Variants in LARP1B observed in about 807,000 individuals in gnomAD.
LARP1B encodes La ribonucleoprotein 1B.
In LARP1B, 76 loss-of-function variants were observed where a neutral mutation model predicts 114.2. The observed-to-expected ratio is 0.67, with a 90% CI of 0.55 to 0.81. LARP1B has a LOEUF of 0.81. Among genes scored for constraint, LARP1B ranks in the 30% least tolerant of loss-of-function variants. The pLI is 0.00. For synonymous variants in LARP1B, 345 were observed against 348.0 expected, an observed-to-expected ratio of 0.99 and a Z score of 0.10; for missense variants, 1,014 against 1,075.8, an observed-to-expected ratio of 0.94 and a Z score of 0.80.
At chr4:128,206,120 G>A (rs1026671177) in intron 17 of LARP1B, among the ~76,000 whole-genome samples, 83 of 152,082 alleles carry the variant, frequency 5.5e-4, no homozygotes, top group African/African-American at 1.7e-3. Context: ...GTGAAACCCC[G>A]TCTCTACTAA....
intron 8 of LARP1B, among the ~76,000 whole-genome samples, chr4:128,102,339 C>T (rs1213635442): frequency 6.6e-6 from 1 of 152,132 alleles, no homozygotes; most frequent in Non-Finnish European, 1.5e-5. Flanking sequence ...CTAGGGTTGT[C>T]ATGAGGATGA....
intron 5 of LARP1B, among the ~76,000 whole-genome samples, chr4:128,089,888 A>G (rs1311569838): frequency 1.3e-5 from 2 of 151,552 alleles, no homozygotes; most frequent in African/African-American, 4.9e-5. Flanking sequence ...TTTCTGCCTC[A>G]GCCTACTGAG....
chr4:128,211,311 G>A lies in LARP1B; in HGVS notation c.*1258G>A. On this transcript the variant is annotated 3_prime_UTR_variant, in exon 20 of 20. Transcript: ENST00000326639. ...TATTTTGTTGTATTGGCAAAAGCAA[G>A]TGGTTTCCATATGCTAAATTAATTG... The A allele has an allele frequency of 1.0e-6, 1 of 970,064 alleles. No homozygotes were observed. The highest frequency in any genetic ancestry group is 1.2e-6 in the Non-Finnish European group (1 of 816,026). 60.1% of individuals were successfully genotyped at this position (970,064 alleles called of 1,614,324 possible). A position where few individuals can be genotyped will look rare whatever the true frequency, so the allele number is the denominator to read the frequency against.
intron 12 of LARP1B, among the ~76,000 whole-genome samples, chr4:128,172,068 T>C (rs1424109423): frequency 6.6e-6 from 1 of 152,146 alleles, no homozygotes; most frequent in Non-Finnish European, 1.5e-5. Context: ...TATTATTTCC[T>C]CAAAAAAAAT....
At chr4:128,064,846 T>C (rs1016916948) in intron 1 of LARP1B, among the ~76,000 whole-genome samples, 1 of 152,124 alleles carries the variant, frequency 6.6e-6, no homozygotes, top group African/African-American at 2.4e-5. Context: ...TGTAGTGTCC[T>C]GTCATAGTGC....
At chr4:128,220,914 G>A (rs572383052) in intron 7 of LARP1B, among the ~76,000 whole-genome samples, 213 of 152,318 alleles carry the variant, frequency 1.4e-3, no homozygotes, top group African/African-American at 4.9e-3. Context: ...CTGAGCTAGC[G>A]TTTGAACTCC....
In LARP1B at chr4:128,180,493, T is replaced by C. The variant is rs80354777; in HGVS notation, c.2003+981T>C. On this transcript the variant is annotated intron_variant, in intron 15 of 19. Coordinates refer to ENST00000326639, the MANE Select transcript of LARP1B (RefSeq NM_018078.4). ...TTGTTCTTACTAGCTATATTGTCTCTAAAAGATAAAAAGTGTGTATGTTCT... is the reference window on the plus strand; with the variant it reads ...TTGTTCTTACTAGCTATATTGTCTCCAAAAGATAAAAAGTGTGTATGTTCT... 5.4e-3 allele frequency among the ~76,000 whole-genome samples: 830 copies of C among 152,328 alleles called. 9 individuals carry two copies. The highest frequency in any genetic ancestry group is 0.019 in the African/African-American group (789 of 41,576).
chr4:128,076,200 G>A (rs1767794803), intron 3 of LARP1B, among the ~76,000 whole-genome samples: 1 of 151,976 alleles, frequency 6.6e-6, no homozygotes, highest in African/African-American at 2.4e-5. Context: ...TTTTAGTAGA[G>A]ACAGGGTTTC....
chr4:128,192,725 G>A (rs776523411), intron 15 of LARP1B, among the ~76,000 whole-genome samples: 1 of 151,988 alleles, frequency 6.6e-6, no homozygotes, highest in Admixed American at 6.6e-5. Context: ...ACATTTTAAC[G>A]TACCACAGTC....
At chr4:128,216,917 A>G (rs1225275130), downstream of LARP1B, among the ~76,000 whole-genome samples, 5 of 152,154 alleles carry the variant, frequency 3.3e-5, no homozygotes, top group Admixed American at 6.5e-5. Context: ...TAAAGAAAAA[A>G]AGAGAAGAAT....
At chr4:128,113,351 C>CTT (rs781192228) in intron 9 of LARP1B, among the ~76,000 whole-genome samples, 31 of 136,690 alleles carry the variant, frequency 2.3e-4, no homozygotes, top group South Asian at 4.6e-4. Context: ...TTCTTTTTTT[C>CTT]TTTTTTTTTT....
intron 10 of LARP1B, among the ~76,000 whole-genome samples, chr4:128,115,252 A>C (rs1323544616): frequency 6.6e-6 from 1 of 152,100 alleles, no homozygotes; most frequent in Non-Finnish European, 1.5e-5. Context: ...TATATTTTTT[A>C]TTTCTGAACA....
chr4:128,069,119 C>G (rs1312898829), intron 1 of LARP1B: 3 of 1,092,928 alleles, frequency 2.7e-6, no homozygotes, highest in African/African-American at 3.1e-5. Context: ...GGCTATGGCT[C>G]TTTCGGCCTG....
intron 18 of LARP1B, chr4:128,206,847 C>A (rs1425696776): frequency 1.0e-6 from 1 of 985,110 alleles, no homozygotes; most frequent in Non-Finnish European, 1.2e-6. Flanking sequence ...AGCAGGTAAG[C>A]TTGGAAAGGC....
At chr4:128,198,622 A>C (rs1273135266) in intron 15 of LARP1B, among the ~76,000 whole-genome samples, 1 of 152,266 alleles carries the variant, frequency 6.6e-6, no homozygotes, top group Non-Finnish European at 1.5e-5. Flanking sequence ...GGCAAGGGCC[A>C]ACAATGTCTT....
intron 5 of LARP1B, among the ~76,000 whole-genome samples, chr4:128,084,029 C>T (rs1265401367): frequency 6.6e-5 from 10 of 151,872 alleles, no homozygotes; most frequent in Non-Finnish European, 1.5e-4. Flanking sequence ...AGACGATGGG[C>T]GGCCGGGCAG....
At chr4:128,096,017 G>A (rs796801442) in intron 7 of LARP1B, among the ~76,000 whole-genome samples, 7 of 124,990 alleles carry the variant, frequency 5.6e-5, no homozygotes, top group South Asian at 2.5e-4. Context: ...TTTTTGAGAC[G>A]GAGTCTCGCT....
intron 12 of LARP1B, among the ~76,000 whole-genome samples, chr4:128,170,005 ATTAATTT>A (rs1368337489): frequency 6.6e-6 from 1 of 152,138 alleles, no homozygotes; most frequent in Non-Finnish European, 1.5e-5. Context: ...GCTGTATTTT[ATTAATTT>A]TTATTCTTTT....
chr4:128,138,993 A>G (rs1386198435), intron 11 of LARP1B, among the ~76,000 whole-genome samples: 1 of 152,172 alleles, frequency 6.6e-6, no homozygotes, highest in African/African-American at 2.4e-5. Context: ...ACAATATTTT[A>G]GTAAACCAAA....
Sources: gnomAD v4.1 joint callset for allele counts (sites outside exome capture counted in the v4.1 genomes callset) on GRCh38, gnomAD v4.1.1 for gene constraint, MANE v1.5 for transcripts, NCBI Gene and HGNC (gene_info 2026-07-23, HGNC 2026-07-21) for gene names.